Variants in TRIP12 observed in about 807,000 individuals in gnomAD.
TRIP12 encodes E3 ubiquitin-protein ligase TRIP12.
A neutral mutation model predicts 244.2 loss-of-function variants in TRIP12; 25 were observed. The observed-to-expected ratio is 0.10, with a 90% CI of 0.07 to 0.14. The LOEUF (loss-of-function observed/expected upper bound fraction) is 0.14. Ranked by LOEUF, TRIP12 falls within the 10% of genes least tolerant of loss-of-function variation. TRIP12 has a pLI of 1.00. For missense variants in TRIP12, 1,677 were observed against 2,486.4 expected (o/e 0.67, Z 6.92); for synonymous variants, 905 against 873.1 (o/e 1.04, Z -0.64).
intron 6 of TRIP12, chr2:229,831,048 GT>G: frequency 1.4e-6 from 1 of 696,308 alleles, no homozygotes; most frequent in South Asian, 1.6e-5. Context: ...TATTAAAAAG[GT>G]TGTATTTTTA....
At chr2:229,922,533 A>T (rs74794441), upstream of TRIP12, 3 of 1,613,760 alleles carry the variant, frequency 1.9e-6, no homozygotes, top group Non-Finnish European at 2.5e-6. Flanking sequence ...TGGCTGCCGG[A>T]GACTCTCTTT....
chr2:229,836,725 A>G, intron 6 of TRIP12, 123 bp downstream of exon 6: 1 of 1,195,854 alleles, frequency 8.4e-7, no homozygotes, highest in Non-Finnish European at 1.1e-6. Flanking sequence ...TCAAACTGGT[A>G]AAGTAAAACA....
rs201277342 is a variant in TRIP12, at chr2:229,859,244, A to C, written c.555T>G (p.Gly185=). ...TCCTTTTTCTTTTCTGACTCCGTGA[A>C]CCGCCAGTGGCCCCACTCTTCCTGG... The part of the protein sequence containing the change: ...AHTRKSGATG[G]SRSQKRKRTE... Residue 185 remains glycine, a synonymous_variant, in exon 4 of 42, where the codon GGT becomes GGG. Coordinates refer to ENST00000675903, the MANE Select transcript of TRIP12 (RefSeq NM_001348323.3). 2.2e-5 allele frequency: 35 copies of C among 1,614,108 alleles called. No individual in the cohort carries two copies. The African/African-American group carries it at 4.0e-4, about 18-fold the overall frequency.
At chr2:229,867,109 G>GT (rs925224612) in intron 2 of TRIP12, among the ~76,000 whole-genome samples, 2,341 of 100,582 alleles carry the variant, frequency 0.023, 32 homozygotes, top group Non-Finnish European at 0.037. Flanking sequence ...TTTTTTTTTT[G>GT]TTTTTTTTTT....
chr2:229,872,743 C>G (rs1382933963), intron 2 of TRIP12, among the ~76,000 whole-genome samples: 2 of 152,188 alleles, frequency 1.3e-5, no homozygotes, highest in East Asian at 3.8e-4. Context: ...CTGTTAAACT[C>G]TGCACCTTCT....
Position 229,859,175 on chromosome 2 carries a change from A to G in TRIP12, c.624T>C (p.Thr208=), listed in dbSNP as rs762609153. The change falls in exon 4 of 42, where the codon ACT becomes ACC. Residue 208 remains threonine, a synonymous_variant. Transcript: ENST00000675903. The part of the protein sequence containing the change: ...CVKSGSGSES[T]GAEERSAKPT... Reference sequence around the variant, plus strand: ...GTTTCGCAGATCTCTCTTCTGCACCAGTTGATTCAGACCCGGAGCCACTCT... The same window carrying G: ...GTTTCGCAGATCTCTCTTCTGCACCGGTTGATTCAGACCCGGAGCCACTCT... 3.1e-6 allele frequency: 5 copies of G among 1,614,134 alleles called. No homozygotes were observed. The highest frequency in any genetic ancestry group is 4.2e-6 in the Non-Finnish European group (5 of 1,180,028).
Position 229,778,193 on chromosome 2 carries a change from G to C in TRIP12, c.5364+240C>G, listed in dbSNP as rs1461559289. ...TATCCAAGGAGGGGTCCACAACCTG[G>C]CAATCGGGCATGCCCTGGGAGCTGA... is the stretch of plus-strand genomic sequence containing the variant. On this transcript the variant is annotated intron_variant, in intron 36 of 41. Coordinates refer to ENST00000675903, the MANE Select transcript of TRIP12 (RefSeq NM_001348323.3). The surrounding 1 kb of genome is among the most constrained non-coding windows in gnomAD (Gnocchi z 4.1). Among the ~76,000 whole-genome samples the C allele has an allele frequency of 2.0e-5, 3 of 152,124 alleles. No homozygotes were observed. In the South Asian group the frequency reaches 6.2e-4, roughly 32 times the overall value.
Position 229,840,903 on chromosome 2 carries a change from C to T in TRIP12, c.1052G>A (p.Arg351His), listed in dbSNP as rs757346052. ...GAGCTCAGCAGGTGGAGACTCACTG[C>T]GTTTCTTCGTAGATTTTCTTAAACC... is the stretch of plus-strand genomic sequence containing the variant. ...LASLRKSTKK[R>H]SESPPAELPS... Residue 351 changes from arginine to histidine, a missense_variant, in exon 5 of 42, where the codon CGC becomes CAC. Coordinates refer to ENST00000675903, the MANE Select transcript of TRIP12 (RefSeq NM_001348323.3). The T allele has an allele frequency of 5.6e-6, 9 of 1,605,750 alleles. No homozygotes were observed. In the South Asian group the frequency reaches 7.9e-5, roughly 14 times the overall value.
At chr2:229,802,761 T>C (rs558958082) in intron 20 of TRIP12, among the ~76,000 whole-genome samples, 53 of 152,290 alleles carry the variant, frequency 3.5e-4, no homozygotes, top group South Asian at 6.2e-4. Flanking sequence ...ATACTCATTA[T>C]AAAAACAATA....
intron 4 of TRIP12, among the ~76,000 whole-genome samples, chr2:229,845,595 A>G (rs1207982679): frequency 6.6e-6 from 1 of 152,226 alleles, no homozygotes; most frequent in African/African-American, 2.4e-5. Flanking sequence ...TCTCCAAAAC[A>G]AAAGAAATAA....
At chr2:229,904,819 C>A (rs2072213314) in intron 1 of TRIP12, among the ~76,000 whole-genome samples, 1 of 152,066 alleles carries the variant, frequency 6.6e-6, no homozygotes, top group Non-Finnish European at 1.5e-5. Flanking sequence ...TAAGAAAATT[C>A]AAATAAAGTA....
chr2:229,818,621 G>T (rs539532113), intron 8 of TRIP12, 109 bp from the exon 9 acceptor site: 1 of 1,002,244 alleles, frequency 1.0e-6, no homozygotes, highest in East Asian at 2.6e-5. Context: ...GCATCCTAAT[G>T]AAAGACTAGG....
At chr2:229,880,341 G>T (rs2064570144) in intron 1 of TRIP12, among the ~76,000 whole-genome samples, 1 of 152,128 alleles carries the variant, frequency 6.6e-6, no homozygotes. Flanking sequence ...CAAGCCATGT[G>T]GTCCCGGACT....
chr2:229,885,425 TG>T (rs2065808448), intron 1 of TRIP12, among the ~76,000 whole-genome samples: 1 of 152,094 alleles, frequency 6.6e-6, no homozygotes, highest in Non-Finnish European at 1.5e-5. Flanking sequence ...ATAAAGAAAC[TG>T]AAATGTTACA....
chr2:229,789,665 G>A lies in TRIP12; in HGVS notation c.4641C>T (p.Ile1547=), dbSNP rs778370433. The A allele has an allele frequency of 1.3e-5, 21 of 1,613,872 alleles. No individual in the cohort carries two copies. Among genetic ancestry groups the A allele is most frequent in the Non-Finnish European group, 1.5e-5 (18 of 1,179,970 alleles). The change falls in exon 31 of 42, where the codon ATC becomes ATT. Residue 1547 remains isoleucine, a synonymous_variant. Coordinates refer to ENST00000675903, the MANE Select transcript of TRIP12 (RefSeq NM_001348323.3). ...ITFEDPSLDV[I]LLLRVLHAIS... is the part of the protein sequence containing the mutation. ...TAGCATGTAAAACTCTTAAAAGAAGGATCACATCTAATGACGGGTCTTCAA... is the reference window on the plus strand; with the variant it reads ...TAGCATGTAAAACTCTTAAAAGAAGAATCACATCTAATGACGGGTCTTCAA...
At chr2:229,908,169 T>C (rs2073369016) in intron 1 of TRIP12, among the ~76,000 whole-genome samples, 1 of 152,208 alleles carries the variant, frequency 6.6e-6, no homozygotes, top group South Asian at 2.1e-4. Context: ...CACAGGTTAG[T>C]TGCTAATATT....
intron 2 of TRIP12, among the ~76,000 whole-genome samples, chr2:229,877,539 T>C (rs187072090): frequency 1.1e-4 from 16 of 152,152 alleles, no homozygotes; most frequent in Admixed American, 7.8e-4. Flanking sequence ...TCTCAAAAAA[T>C]AAATTAAAAA....
chr2:229,822,657 T>C (rs576894625), intron 8 of TRIP12, among the ~76,000 whole-genome samples: 1 of 152,282 alleles, frequency 6.6e-6, no homozygotes, highest in South Asian at 2.1e-4. Flanking sequence ...AGTTCTTTTA[T>C]ACAAAACGTC....
intron 6 of TRIP12, among the ~76,000 whole-genome samples, chr2:229,832,790 T>C (rs1164934281): frequency 1.3e-5 from 2 of 152,264 alleles, no homozygotes; most frequent in Non-Finnish European, 2.9e-5. Flanking sequence ...TAGCAGTGAT[T>C]TTTAATTCAA....
Sources: allele counts gnomAD v4.1 joint callset (sites outside exome capture counted in the v4.1 genomes callset), GRCh38; gene constraint gnomAD v4.1.1; non-coding constraint Gnocchi (gnomAD v3.1); transcripts MANE v1.5; gene names NCBI Gene and HGNC (gene_info 2026-07-23, HGNC 2026-07-21).